Variants in ESR2 observed in about 807,000 individuals in gnomAD.
ESR2 encodes estrogen receptor beta.
A neutral mutation model predicts 49.6 loss-of-function variants in ESR2; 36 were observed. That is an observed-to-expected ratio of 0.73 (90% confidence interval 0.56 to 0.96). The LOEUF (loss-of-function observed/expected upper bound fraction) is 0.96, where lower values mean the gene tolerates loss of function less well. ESR2 is among the 40% of genes least tolerant of loss of function. The probability of loss-of-function intolerance (pLI) is 0.00; values close to 1 mark genes in which losing one functional copy is unlikely to be tolerated. For synonymous variants in ESR2, 320 were observed against 266.1 expected (o/e 1.20, Z -1.97); for missense variants, 714 against 693.0 (o/e 1.03, Z -0.34).
chr14:64,280,898 T>C (rs780466639), intron 2 of ESR2, among the ~76,000 whole-genome samples: 1 of 152,072 alleles, frequency 6.6e-6, no homozygotes, highest in Admixed American at 6.6e-5. Flanking sequence ...TAATCCCAGC[T>C]ACTTTGGAGG....
At chr14:64,320,667 C>T (rs186783788) in intron 1 of ESR2, among the ~76,000 whole-genome samples, 313 of 152,118 alleles carry the variant, frequency 2.1e-3, no homozygotes, top group Middle Eastern at 6.8e-3. Flanking sequence ...CTGAGGCAGG[C>T]GGATCACCTG....
chr14:64,325,387 AAG>A, intron 1 of ESR2, among the ~76,000 whole-genome samples: 1 of 152,206 alleles, frequency 6.6e-6, no homozygotes, highest in East Asian at 1.9e-4. Context: ...AGGTAGGAAA[AAG>A]AGGAAGGGAA....
rs372090604 is a variant in ESR2, at chr14:64,237,109, C to T, written c.1226-1959G>A. ...CTTAGTAGCTGGGATTACAGGCATG[C>T]GCCACCATGCCCAGCAAATTTTTTG... On this transcript the variant is annotated intron_variant, in intron 7 of 8. Transcript: ENST00000341099. Among the ~76,000 whole-genome samples, 25 of 152,060 alleles carry T rather than the reference C, an allele frequency of 1.6e-4. No homozygotes were observed. The East Asian group carries it at 3.1e-3, about 19-fold the overall frequency.
At chr14:64,249,119 C>G (rs1332840834) in intron 7 of ESR2, among the ~76,000 whole-genome samples, 1 of 152,126 alleles carries the variant, frequency 6.6e-6, no homozygotes, top group African/African-American at 2.4e-5. Flanking sequence ...TGTTTTCTCT[C>G]TCTCCCTGCC....
chr14:64,255,456 G>A (rs947767033), intron 6 of ESR2, among the ~76,000 whole-genome samples: 3 of 152,016 alleles, frequency 2.0e-5, no homozygotes, highest in Non-Finnish European at 4.4e-5. Context: ...AGTAAAACAG[G>A]GCTGTTCTCT....
rs370539545 is a variant in ESR2, at chr14:64,245,491, G to A, written c.1225+4055C>T. ...CGCACCATTGCACTCCAGCCTGGGC[G>A]ACAGGGCAAGACTCTGTCAAAAAAA... is the stretch of plus-strand genomic sequence containing the variant. On this transcript the variant is annotated intron_variant, in intron 7 of 8. Transcript: ENST00000341099. 3.4e-3 allele frequency among the ~76,000 whole-genome samples: 432 copies of A among 127,972 alleles called. 7 individuals carry two copies. The highest frequency in any genetic ancestry group is 0.029 in the South Asian group (112 of 3,886). 84.0% of individuals were successfully genotyped at this position (127,972 alleles called of 152,430 possible).
At chr14:64,330,684 T>G (rs1415938723) in intron 1 of ESR2, 1 of 152,282 alleles carries the variant, frequency 6.6e-6, no homozygotes, top group African/African-American at 2.4e-5. Context: ...ATCTAAATGT[T>G]AACCTCATCC....
chr14:64,251,463 G>C (rs988824767), intron 6 of ESR2, among the ~76,000 whole-genome samples: 4 of 151,844 alleles, frequency 2.6e-5, no homozygotes, highest in Admixed American at 2.6e-4. Context: ...GGTATGGTAA[G>C]GGAACCCACC....
chr14:64,256,196 G>A (rs959975762), intron 6 of ESR2, among the ~76,000 whole-genome samples: 38 of 152,156 alleles, frequency 2.5e-4, no homozygotes, highest in African/African-American at 8.9e-4. Flanking sequence ...TACACCAAGA[G>A]GGTGTTCTAC....
intron 6 of ESR2, 51 bp from the exon 7 acceptor site, chr14:64,249,730 A>C (rs752779443): frequency 1.2e-4 from 187 of 1,548,294 alleles, no homozygotes; most frequent in Non-Finnish European, 1.6e-4. Flanking sequence ...GGAAACCATC[A>C]AAAAAACAAT....
At chr14:64,281,380 A>G (rs2140814400) in intron 2 of ESR2, among the ~76,000 whole-genome samples, 1 of 152,310 alleles carries the variant, frequency 6.6e-6, no homozygotes, top group South Asian at 2.1e-4. Context: ...ATTTGCCCAA[A>G]AATTAGCAGA....
intron 7 of ESR2, among the ~76,000 whole-genome samples, chr14:64,236,597 G>T (rs990232400): frequency 6.6e-6 from 1 of 151,964 alleles, no homozygotes. Flanking sequence ...ACCACACCTC[G>T]CCTTGAGTCC....
chr14:64,284,807 G>GT (rs1360210354), intron 1 of ESR2, among the ~76,000 whole-genome samples: 2 of 149,948 alleles, frequency 1.3e-5, no homozygotes, highest in African/African-American at 4.9e-5. Context: ...TTTTTCCACT[G>GT]TCTTTTGCTG....
intron 1 of ESR2, among the ~76,000 whole-genome samples, chr14:64,293,116 T>C (rs188428020): frequency 4.7e-4 from 72 of 152,338 alleles, no homozygotes; most frequent in African/African-American, 1.5e-3. Flanking sequence ...AAATACATTT[T>C]CTTCAGAAAA....
At chr14:64,284,894 G>A (rs1596457840) in intron 1 of ESR2, among the ~76,000 whole-genome samples, 1 of 148,714 alleles carries the variant, frequency 6.7e-6, no homozygotes, top group East Asian at 2.0e-4. Flanking sequence ...CTGTCACCCA[G>A]GCTGGAGTGC....
chr14:64,227,083 T>C (rs139004885), downstream of ESR2: 13 of 161,954 alleles, frequency 8.0e-5, no homozygotes, highest in Non-Finnish European at 1.6e-4. Flanking sequence ...ACAAAGAGGA[T>C]AGGCATCGGC....
chr14:64,229,147 C>T lies in ESR2; in HGVS notation c.*3990G>A, dbSNP rs1284945152. On this transcript the variant is annotated 3_prime_UTR_variant, in exon 9 of 9. Transcript: ENST00000341099. ...ATAACAGATTATGCATCTTATTTTT[C>T]CATCTGTCATTGCTGCTGTTGTGTA... Among the ~76,000 whole-genome samples, 3 of 152,110 alleles carry T rather than the reference C, an allele frequency of 2.0e-5. No individual in the cohort carries two copies. Among genetic ancestry groups the T allele is most frequent in the African/African-American group, 4.8e-5 (2 of 41,422 alleles).
chr14:64,326,363 ATGAT>A (rs2077390134), intron 1 of ESR2, among the ~76,000 whole-genome samples: 1 of 152,170 alleles, frequency 6.6e-6, no homozygotes, highest in South Asian at 2.1e-4. Context: ...GTCACAGTAG[ATGAT>A]CGATCCAATA....
At chr14:64,322,741 T>A (rs568694780) in intron 1 of ESR2, among the ~76,000 whole-genome samples, 12 of 152,336 alleles carry the variant, frequency 7.9e-5, no homozygotes, top group African/African-American at 2.6e-4. Flanking sequence ...GCTATTAGAA[T>A]TTAAAATACG....
Sources: gnomAD v4.1 joint callset for allele counts (sites outside exome capture counted in the v4.1 genomes callset) on GRCh38, gnomAD v4.1.1 for gene constraint, MANE v1.5 for transcripts, NCBI Gene and HGNC (gene_info 2026-07-23, HGNC 2026-07-21) for gene names.